Variants in LRRC53 observed in about 807,000 individuals in gnomAD.
The protein encoded by LRRC53 is leucine rich repeat containing 53, also known as leucine-rich repeat-containing protein 53.
LRRC53 carries 25 observed loss-of-function variants against 13.6 expected under a neutral mutation model. The observed-to-expected ratio is 1.83, with a 90% confidence interval of 1.34 to 2.56. LRRC53 has a LOEUF of 2.56. Among genes scored for constraint, LRRC53 ranks in the 30% most tolerant of loss-of-function variants. The pLI is 0.00. For missense variants in LRRC53, 527 were observed against 275.8 expected (o/e 1.91, Z -6.45); for synonymous variants, 204 against 109.8 (o/e 1.86, Z -5.37).
intron 1 of LRRC53, among the ~76,000 whole-genome samples, chr1:74,489,647 T>A (rs1261613576): frequency 1.3e-5 from 2 of 152,226 alleles, no homozygotes; most frequent in African/African-American, 4.8e-5. Flanking sequence ...AAATTATCAA[T>A]AAAATATGTT....
chr1:74,511,406 A>ACTC (rs1242247734), intron 1 of LRRC53, among the ~76,000 whole-genome samples: 1 of 151,632 alleles, frequency 6.6e-6, no homozygotes, highest in Non-Finnish European at 1.5e-5. Flanking sequence ...TTGGCCTCGA[A>ACTC]CTCCTGGTCT....
intron 1 of LRRC53, among the ~76,000 whole-genome samples, chr1:74,502,536 C>T (rs1403538141): frequency 1.3e-5 from 2 of 152,282 alleles, no homozygotes; most frequent in African/African-American, 4.8e-5. Flanking sequence ...TTAACTTTGC[C>T]AACATGTTTG....
chr1:74,506,506 G>A (rs1669909921), intron 1 of LRRC53, among the ~76,000 whole-genome samples: 1 of 152,198 alleles, frequency 6.6e-6, no homozygotes, highest in African/African-American at 2.4e-5. Context: ...TCAGTTGTGT[G>A]ACATGAGCAA....
chr1:74,484,862 T>C (rs909893094), intron 1 of LRRC53, among the ~76,000 whole-genome samples: 4 of 152,232 alleles, frequency 2.6e-5, no homozygotes, highest in African/African-American at 9.6e-5. Context: ...AAGATCATTT[T>C]AACTACTGAG....
At chr1:74,487,805 A>T (rs534487740) in intron 1 of LRRC53, among the ~76,000 whole-genome samples, 15 of 152,304 alleles carry the variant, frequency 9.8e-5, no homozygotes, top group Admixed American at 3.9e-4. Context: ...TTTAAGTGGT[A>T]AAATGGCTTC....
chr1:74,478,472 T>C (rs1250918602), intron 3 of LRRC53, among the ~76,000 whole-genome samples: 1 of 152,116 alleles, frequency 6.6e-6, no homozygotes, highest in Non-Finnish European at 1.5e-5. Context: ...TGAAAACAGA[T>C]GTAAAAGTAA....
intron 1 of LRRC53, among the ~76,000 whole-genome samples, chr1:74,503,730 G>T (rs936394877): frequency 9.8e-4 from 149 of 152,196 alleles, no homozygotes; most frequent in African/African-American, 3.5e-3. Flanking sequence ...CAAGTGCCAC[G>T]ATGCCTATCA....
At chr1:74,485,392 T>A (rs1347533493) in intron 1 of LRRC53, among the ~76,000 whole-genome samples, 4 of 152,154 alleles carry the variant, frequency 2.6e-5, no homozygotes, top group African/African-American at 9.6e-5. Context: ...CTCATGGATG[T>A]GTGGTTCAGG....
chr1:74,536,496 C>T, the LRRC53 span, among the ~76,000 whole-genome samples: 1 of 152,012 alleles, frequency 6.6e-6, no homozygotes, highest in Non-Finnish European at 1.5e-5. Flanking sequence ...TCCTAATGCA[C>T]CTTTATAAAA....
chr1:74,471,642 A>T lies in LRRC53; in HGVS notation c.1980T>A (p.Pro660=), dbSNP rs1048845046. ...RSMMSPKIST[P]WKRQKNQSNQ... ...TACTTTGATTTTTCTGTCGTTTCCA[A>T]GGGGTTGATATTTTGGGTGACATCA... Residue 660 remains proline (P), a synonymous_variant, in exon 5 of 5, where the codon CCT becomes CCA. Coordinates refer to ENST00000294635, the MANE Select transcript of LRRC53 (RefSeq NM_001382280.1). 4.7e-5 allele frequency: 19 copies of T among 400,558 alleles called. No individual in the cohort carries two copies. The highest frequency in any genetic ancestry group is 3.9e-4 in the African/African-American group (19 of 48,644). 24.8% of individuals were successfully genotyped at this position (400,558 alleles called of 1,614,324 possible).
chr1:74,487,142 T>C (rs1297867882), intron 1 of LRRC53, among the ~76,000 whole-genome samples: 2 of 152,076 alleles, frequency 1.3e-5, no homozygotes, highest in East Asian at 1.9e-4. Flanking sequence ...GTTTTTAAGA[T>C]AGGAGAATGT....
At chr1:74,521,578 ATAAAGCC>A in the LRRC53 span, among the ~76,000 whole-genome samples, 870 of 152,270 alleles carry the variant, frequency 5.7e-3, 9 homozygotes, top group African/African-American at 0.019. Context: ...TACTATTTCC[ATAAAGCC>A]TTTTTCTGCG....
intron 1 of LRRC53, among the ~76,000 whole-genome samples, chr1:74,502,842 T>G (rs1055169540): frequency 2.0e-5 from 3 of 152,186 alleles, no homozygotes; most frequent in African/African-American, 7.2e-5. Flanking sequence ...AGGCGTGCCG[T>G]GGACTCCCTC....
chr1:74,489,365 T>C, intron 1 of LRRC53: 1 of 1,015,688 alleles, frequency 9.8e-7, no homozygotes, highest in Non-Finnish European at 1.4e-6. Context: ...CATAACTCCA[T>C]CCATATTTGC....
chr1:74,503,257 T>A (rs115486283), intron 1 of LRRC53, among the ~76,000 whole-genome samples: 4,622 of 152,288 alleles, frequency 0.03, 110 homozygotes, highest in Non-Finnish European at 0.045. Flanking sequence ...CAATAGGGAA[T>A]CAGCATCTTT....
At chr1:74,509,961 C>A (rs1670101296) in intron 1 of LRRC53, among the ~76,000 whole-genome samples, 2 of 151,844 alleles carry the variant, frequency 1.3e-5, no homozygotes, top group Non-Finnish European at 2.9e-5. Context: ...ACCAAGTCAC[C>A]CAGGCTGGTC....
intron 1 of LRRC53, among the ~76,000 whole-genome samples, chr1:74,504,036 C>A (rs1252932140): frequency 6.6e-6 from 1 of 152,184 alleles, no homozygotes; most frequent in Non-Finnish European, 1.5e-5. Context: ...ACTATATTTA[C>A]ATAACACCTC....
intron 1 of LRRC53, chr1:74,492,315 C>T (rs1326698039): frequency 7.1e-7 from 1 of 1,417,280 alleles, no homozygotes; most frequent in Non-Finnish European, 9.4e-7. Context: ...ATTTCAGAAT[C>T]TTATCAAGAC....
At chr1:74,527,379 C>T in the LRRC53 span, among the ~76,000 whole-genome samples, 66,887 of 152,096 alleles carry the variant, frequency 0.44, 16,155 homozygotes, top group Non-Finnish European at 0.56. Context: ...TTAATCCATA[C>T]TTACTGAGAA....
Sources: gnomAD v4.1 joint callset for allele counts (sites outside exome capture counted in the v4.1 genomes callset) on GRCh38, gnomAD v4.1.1 for gene constraint, MANE v1.5 for transcripts, NCBI Gene and HGNC (gene_info 2026-07-23, HGNC 2026-07-21) for gene names.